TNR: variants seen among roughly 807,000 people sequenced by gnomAD.
TNR encodes tenascin-R.
Under a neutral mutation model 150.4 loss-of-function variants are expected in TNR, and 45 were observed. The ratio of observed to expected loss-of-function variants is 0.30; its 90% CI spans 0.24 to 0.38. The LOEUF (loss-of-function observed/expected upper bound fraction) is 0.38. Ranked by LOEUF, TNR falls within the 10% of genes least tolerant of loss-of-function variation. The pLI is 1.00. For synonymous variants in TNR, 687 were observed against 678.4 expected (o/e 1.01, Z -0.20); for missense variants, 1,544 against 1,759.1 (o/e 0.88, Z 2.19).
At chr1:175,537,086 A>G (rs910017868) in intron 1 of TNR, among the ~76,000 whole-genome samples, 2 of 152,222 alleles carry the variant, frequency 1.3e-5, no homozygotes, top group Non-Finnish European at 2.9e-5. Context: ...TTTCATTACC[A>G]GGAGGCTTTG....
chr1:175,696,228 T>TGTTGTTG (rs776936256), intron 1 of TNR, among the ~76,000 whole-genome samples: 5 of 120,844 alleles, frequency 4.1e-5, no homozygotes, highest in Non-Finnish European at 1.9e-5. Flanking sequence ...TTTTTTTTTT[T>TGTTGTTG]TTTTTTTTTT....
intron 1 of TNR, among the ~76,000 whole-genome samples, chr1:175,547,551 AAG>A (rs1488645824): frequency 6.7e-6 from 1 of 149,796 alleles, no homozygotes; most frequent in Admixed American, 6.7e-5. Context: ...ACAAAGGAGA[AAG>A]AAAGATAGAA....
At chr1:175,376,347 C>T (rs759963799) in intron 9 of TNR, among the ~76,000 whole-genome samples, 7 of 152,180 alleles carry the variant, frequency 4.6e-5, no homozygotes, top group South Asian at 2.1e-4. Context: ...TGTATTGCCT[C>T]ATGAATGCCT....
intron 2 of TNR, among the ~76,000 whole-genome samples, chr1:175,459,716 G>A (rs375321807): frequency 6.6e-6 from 1 of 152,200 alleles, no homozygotes; most frequent in African/African-American, 2.4e-5. Flanking sequence ...AAGTCTGGCA[G>A]ACAGGGGCTG....
At chr1:175,567,992 A>T (rs1391875694) in intron 1 of TNR, among the ~76,000 whole-genome samples, 3 of 152,250 alleles carry the variant, frequency 2.0e-5, no homozygotes, top group Non-Finnish European at 2.9e-5. Context: ...AACCAGGGAT[A>T]ATAACAAGTT....
intron 2 of TNR, among the ~76,000 whole-genome samples, chr1:175,514,431 A>C (rs1167926466): frequency 6.6e-6 from 1 of 152,242 alleles, no homozygotes; most frequent in Non-Finnish European, 1.5e-5. Context: ...TCTGACCTAC[A>C]GAGCAGTAAG....
intron 2 of TNR, among the ~76,000 whole-genome samples, chr1:175,455,961 T>C (rs1656555948): frequency 6.6e-6 from 1 of 152,172 alleles, no homozygotes. Flanking sequence ...TAATAATTCT[T>C]CCAGGACAAC....
At chr1:175,656,420 A>G (rs1014180623) in intron 1 of TNR, among the ~76,000 whole-genome samples, 6 of 152,192 alleles carry the variant, frequency 3.9e-5, no homozygotes. Context: ...GCAACCTCTC[A>G]GTAAAAATCT....
chr1:175,365,847 C>T (rs200613422), intron 11 of TNR, 28 bp downstream of exon 11: 1 of 1,602,724 alleles, frequency 6.2e-7, no homozygotes, highest in Non-Finnish European at 8.5e-7. Flanking sequence ...ATCCCTGAAC[C>T]TGGCTGGGAT....
intron 1 of TNR, among the ~76,000 whole-genome samples, chr1:175,588,720 A>C (rs1423525030): frequency 1.3e-5 from 2 of 152,182 alleles, no homozygotes; most frequent in African/African-American, 4.8e-5. Context: ...AGGTTTTGAA[A>C]ATCATACTGT....
At chr1:175,417,966 T>C (rs1273311652) in intron 2 of TNR, among the ~76,000 whole-genome samples, 2 of 152,212 alleles carry the variant, frequency 1.3e-5, no homozygotes, top group Non-Finnish European at 2.9e-5. Context: ...TACTTCATTG[T>C]GTACATTATG....
intron 1 of TNR, among the ~76,000 whole-genome samples, chr1:175,595,784 CAAT>C (rs2101842107): frequency 6.6e-6 from 1 of 152,262 alleles, no homozygotes; most frequent in South Asian, 2.1e-4. Context: ...TGAGAACCAG[CAAT>C]AATAACAAAT....
At chr1:175,459,789 T>C (rs2102103643) in intron 2 of TNR, among the ~76,000 whole-genome samples, 1 of 152,218 alleles carries the variant, frequency 6.6e-6, no homozygotes, top group African/African-American at 2.4e-5. Flanking sequence ...CTTCAAACCC[T>C]AGCCAGCAAT....
At chr1:175,593,720 C>T (rs909605257) in intron 1 of TNR, among the ~76,000 whole-genome samples, 1 of 152,128 alleles carries the variant, frequency 6.6e-6, no homozygotes, top group African/African-American at 2.4e-5. Context: ...AGACTCTGTC[C>T]CCTCTTCTAT....
At chr1:175,436,863 G>C (rs1043969712) in intron 2 of TNR, among the ~76,000 whole-genome samples, 5 of 152,172 alleles carry the variant, frequency 3.3e-5, no homozygotes, top group Non-Finnish European at 7.3e-5. Flanking sequence ...CAATACAGGA[G>C]TACCCAGATA....
Position 175,427,264 on chromosome 1 carries a change from G to C in TNR, c.-63-20487C>G, listed in dbSNP as rs1049105820. 2.6e-5 allele frequency among the ~76,000 whole-genome samples: 4 copies of C among 151,688 alleles called. No individual in the cohort carries two copies. The South Asian group carries it at 8.4e-4, about 32-fold the overall frequency. On this transcript the variant is annotated intron_variant, in intron 2 of 22. Coordinates refer to ENST00000367674, the MANE Select transcript of TNR (RefSeq NM_003285.3). ...AATGACTATACAAGTCAGTGAGTGT[G>C]AGCCATGTATGTAATTTTAAATTCT...
At chr1:175,504,558 C>T (rs894287070) in intron 2 of TNR, among the ~76,000 whole-genome samples, 1 of 152,196 alleles carries the variant, frequency 6.6e-6, no homozygotes. Context: ...GCTGTGGCTG[C>T]TGTCTCCAGG....
At chr1:175,597,491 G>A (rs1004678983) in intron 1 of TNR, among the ~76,000 whole-genome samples, 1 of 152,234 alleles carries the variant, frequency 6.6e-6, no homozygotes, top group African/African-American at 2.4e-5. Flanking sequence ...ATTGCTGAAT[G>A]CATGAATGCT....
intron 1 of TNR, among the ~76,000 whole-genome samples, chr1:175,544,179 T>A (rs1482457799): frequency 6.6e-6 from 1 of 152,102 alleles, no homozygotes; most frequent in Non-Finnish European, 1.5e-5. Context: ...AAGATCAGAT[T>A]TTGGGGGAGA....
Sources: gnomAD v4.1 joint callset for allele counts (sites outside exome capture counted in the v4.1 genomes callset) on GRCh38, gnomAD v4.1.1 for gene constraint, MANE v1.5 for transcripts, NCBI Gene and HGNC (gene_info 2026-07-23, HGNC 2026-07-21) for gene names.